Variants in RYR2 observed in about 807,000 individuals in gnomAD.
RYR2 encodes ryanodine receptor 2.
Under a neutral mutation model 601.1 loss-of-function variants are expected in RYR2, and 227 were observed. The ratio of observed to expected loss-of-function variants is 0.38; its 90% CI spans 0.34 to 0.42. RYR2 has a LOEUF of 0.42. Among genes scored for constraint, RYR2 ranks in the 10% least tolerant of loss-of-function variants. The probability of loss-of-function intolerance (pLI) is 1.00; values close to 1 mark genes in which losing one functional copy is unlikely to be tolerated. For missense variants in RYR2, 4,646 were observed against 6,156.5 expected (o/e 0.75, Z 8.21); for synonymous variants, 2,223 against 2,175.1 (o/e 1.02, Z -0.61).
chr1:237,418,200 G>A (rs543861755), intron 11 of RYR2, among the ~76,000 whole-genome samples: 74 of 152,004 alleles, frequency 4.9e-4, no homozygotes, highest in African/African-American at 1.6e-3. Flanking sequence ...CTGCCACCAC[G>A]CCCAGCTAAT....
chr1:237,498,935 G>A (rs1314115196), intron 20 of RYR2, among the ~76,000 whole-genome samples: 1 of 152,104 alleles, frequency 6.6e-6, no homozygotes, highest in African/African-American at 2.4e-5. Context: ...TTTCTCTTAA[G>A]CCACTGGGAG....
At chr1:237,782,566 T>A (rs1341871114) in intron 89 of RYR2, among the ~76,000 whole-genome samples, 2 of 152,174 alleles carry the variant, frequency 1.3e-5, no homozygotes, top group Admixed American at 6.5e-5. Context: ...AAGCCCTTAG[T>A]CGGTGGCAAC....
Position 237,180,848 on chromosome 1 carries a change from GTA to G in RYR2, c.49-89643_49-89642del, listed in dbSNP as rs985612752. ...GTAAATATATATCAATATTAATAAA[GTA>G]TATATTTATACTAATTAAATATATT... On this transcript the variant is annotated intron_variant, in intron 1 of 104. Coordinates refer to ENST00000366574, the MANE Select transcript of RYR2 (RefSeq NM_001035.3). This position sits in a 1 kb window ranked among gnomAD's most constrained non-coding sequence, Gnocchi z 5.3. 6.8e-5 allele frequency among the ~76,000 whole-genome samples: 10 copies of G among 147,178 alleles called. No individual in the cohort carries two copies. The highest frequency in any genetic ancestry group is 1.5e-4 in the Non-Finnish European group (10 of 67,072).
chr1:237,809,490 T>G (rs1022807268), intron 100 of RYR2, among the ~76,000 whole-genome samples: 1 of 152,178 alleles, frequency 6.6e-6, no homozygotes, highest in Non-Finnish European at 1.5e-5. Context: ...TCTTTTTTGG[T>G]CTTGGTTTTC....
Position 237,454,433 on chromosome 1 carries a change from C to G in RYR2, c.1335C>G (p.Val445=). 9 of 1,612,980 alleles carry G rather than the reference C, an allele frequency of 5.6e-6. No homozygotes were observed. The highest frequency in any genetic ancestry group is 7.6e-6 in the Non-Finnish European group (9 of 1,179,414). Residue 445 remains valine, a synonymous_variant, in exon 15 of 105, where the codon GTC becomes GTG. Transcript: ENST00000366574. ...GCAAGAAAGCGAAGGCTTCCACAGT[C>G]GATTTGCCTATAGAGTCCGTAAGCC... ...ALSKKAKAST[V]DLPIESVSLS...
At chr1:237,386,845 C>T (rs188166795) in intron 8 of RYR2, among the ~76,000 whole-genome samples, 5 of 152,232 alleles carry the variant, frequency 3.3e-5, no homozygotes, top group East Asian at 1.9e-4. Context: ...CCCCATAAGA[C>T]GCCTAAGGAC....
intron 1 of RYR2, among the ~76,000 whole-genome samples, chr1:237,178,496 G>A (rs901797928): frequency 6.8e-6 from 1 of 146,918 alleles, no homozygotes; most frequent in Non-Finnish European, 1.5e-5. Context: ...TGTCTTCTAA[G>A]GTCATAGAGT....
chr1:237,182,850 G>A (rs1050224465), intron 1 of RYR2, among the ~76,000 whole-genome samples: 1 of 152,226 alleles, frequency 6.6e-6, no homozygotes. Context: ...TTACAGGCCA[G>A]CATAAGGAGT....
chr1:237,521,158 G>T (rs575977753), intron 24 of RYR2, among the ~76,000 whole-genome samples: 1 of 112,936 alleles, frequency 8.9e-6, no homozygotes, highest in Admixed American at 8.9e-5. Context: ...TCCTGAAACT[G>T]TTTCAAAAAG....
At chr1:237,575,669 C>T (rs1343589647) in intron 29 of RYR2, among the ~76,000 whole-genome samples, 2 of 152,194 alleles carry the variant, frequency 1.3e-5, no homozygotes, top group East Asian at 3.9e-4. Context: ...GACACAGACA[C>T]AGAGACAGGG....
chr1:237,470,439 G>A (rs7524451), intron 17 of RYR2, among the ~76,000 whole-genome samples: 73,371 of 151,946 alleles, frequency 0.48, 18,750 homozygotes, highest in East Asian at 0.65. Flanking sequence ...AGATAGTGGA[G>A]GACAAAAATG....
intron 1 of RYR2, among the ~76,000 whole-genome samples, chr1:237,238,229 C>A (rs1685792069): frequency 6.6e-6 from 1 of 152,070 alleles, no homozygotes; most frequent in African/African-American, 2.4e-5. Flanking sequence ...CCTCAGCCTC[C>A]CAAAGTGCTG....
chr1:237,561,776 A>G (rs1292030716), intron 27 of RYR2, among the ~76,000 whole-genome samples: 1 of 152,220 alleles, frequency 6.6e-6, no homozygotes, highest in African/African-American at 2.4e-5. Flanking sequence ...CACAGTTTAC[A>G]ATAGCAATAT....
chr1:237,566,443 C>G (rs1672093902), intron 27 of RYR2, 124 bp from the exon 28 acceptor site: 4 of 968,298 alleles, frequency 4.1e-6, no homozygotes, highest in South Asian at 1.7e-5. Context: ...GTATCATTAT[C>G]ATCATCGCTC....
intron 18 of RYR2, among the ~76,000 whole-genome samples, chr1:237,492,484 G>C (rs1014917380): frequency 6.6e-6 from 1 of 152,172 alleles, no homozygotes; most frequent in African/African-American, 2.4e-5. Flanking sequence ...AATGTAACTG[G>C]AGGAATGCAT....
rs1689342753 is a variant in RYR2, at chr1:237,717,256, T to C, written c.10382T>C (p.Met3461Thr). The change falls in exon 72 of 105, where the codon ATG becomes ACG. Residue 3461 changes from methionine (M) to threonine (T), a missense_variant. Met to Thr is a moderately conservative substitution (Grantham distance 81, BLOSUM62 -1). This residue lies in a region of RYR2 where 1,497 missense variants were observed against 1,842.6 expected (regional missense o/e 0.81). Coordinates refer to ENST00000366574, the MANE Select transcript of RYR2 (RefSeq NM_001035.3). ...AAGCGCAAAGGAGATCGGTATTCCATGCAGACCTCTCTGATTGTAGCAGCT... is the reference window on the plus strand; with the variant it reads ...AAGCGCAAAGGAGATCGGTATTCCACGCAGACCTCTCTGATTGTAGCAGCT... ...KMKRKGDRYSMQTSLIVAALK... is the reference protein window; with the variant it reads ...KMKRKGDRYSTQTSLIVAALK... The C allele has an allele frequency of 6.2e-7, 1 of 1,613,786 alleles. No individual in the cohort carries two copies. The highest frequency in any genetic ancestry group is 1.1e-5 in the South Asian group (1 of 91,062).
Position 237,284,773 on chromosome 1 carries a change from T to C in RYR2, c.168+14157T>C, listed in dbSNP as rs1317399552. Among the ~76,000 whole-genome samples the C allele has an allele frequency of 3.3e-5, 5 of 151,836 alleles. No homozygotes were observed. In the East Asian group the frequency reaches 9.7e-4, roughly 29 times the overall value. ...AAGATGGGCATTTTTTTATTATTATTATTATTTTCTGCAGCTATTGTAAAA... is the reference window on the plus strand; with the variant it reads ...AAGATGGGCATTTTTTTATTATTATCATTATTTTCTGCAGCTATTGTAAAA... On this transcript the variant is annotated intron_variant, in intron 2 of 104. Coordinates refer to ENST00000366574, the MANE Select transcript of RYR2 (RefSeq NM_001035.3).
chr1:237,414,880 C>T (rs969397468), intron 10 of RYR2, among the ~76,000 whole-genome samples: 2 of 152,168 alleles, frequency 1.3e-5, no homozygotes, highest in Admixed American at 1.3e-4. Flanking sequence ...TCTTAACAAA[C>T]CCTCAAAGGG....
At chr1:237,381,333 A>G (rs981902822) in intron 8 of RYR2, among the ~76,000 whole-genome samples, 3 of 152,066 alleles carry the variant, frequency 2.0e-5, no homozygotes, top group African/African-American at 7.2e-5. Context: ...TGGGAAAGAA[A>G]CAGTGAAAGG....
Sources: allele counts gnomAD v4.1 joint callset (sites outside exome capture counted in the v4.1 genomes callset), GRCh38; gene constraint gnomAD v4.1.1; regional missense constraint gnomAD v4.1.1; non-coding constraint Gnocchi (gnomAD v3.1); transcripts MANE v1.5; gene names NCBI Gene and HGNC (gene_info 2026-07-23, HGNC 2026-07-21).